MARCHF4: variants seen among roughly 807,000 people sequenced by gnomAD.
MARCHF4 encodes the protein E3 ubiquitin-protein ligase MARCHF4.
A neutral mutation model predicts 43.9 loss-of-function variants in MARCHF4; 14 were observed. The observed-to-expected ratio is 0.32, with a 90% CI of 0.21 to 0.50. MARCHF4 has a LOEUF of 0.50. Ranked by LOEUF, MARCHF4 falls within the 20% of genes least tolerant of loss-of-function variation. MARCHF4 has a pLI of 0.98. For missense variants in MARCHF4, 468 were observed against 536.7 expected (o/e 0.87, Z 1.27); for synonymous variants, 226 against 213.3 (o/e 1.06, Z -0.52).
intron 1 of MARCHF4, among the ~76,000 whole-genome samples, chr2:216,292,555 T>C (rs916649521): frequency 2.0e-5 from 3 of 152,218 alleles, no homozygotes; most frequent in African/African-American, 4.8e-5. Flanking sequence ...ATCATCTCTA[T>C]GATGATAGAC....
intron 2 of MARCHF4, 136 bp from the exon 3 acceptor site, chr2:216,278,000 G>T (rs1157803271): frequency 6.9e-6 from 5 of 724,310 alleles, no homozygotes; most frequent in Non-Finnish European, 1.1e-5. Context: ...GTGGTACAAT[G>T]AGCATTTTGC....
intron 1 of MARCHF4, among the ~76,000 whole-genome samples, chr2:216,331,368 C>T (rs561799994): frequency 6.6e-6 from 1 of 152,122 alleles, no homozygotes; most frequent in South Asian, 2.1e-4. Context: ...TAAAAATCTT[C>T]ACACAAAGAA....
intron 1 of MARCHF4, among the ~76,000 whole-genome samples, chr2:216,362,374 G>A (rs553328393): frequency 1.3e-5 from 2 of 152,320 alleles, no homozygotes; most frequent in African/African-American, 4.8e-5. Flanking sequence ...CAAGTAGCAG[G>A]GGAAACGATT....
intron 3 of MARCHF4, among the ~76,000 whole-genome samples, chr2:216,275,673 T>C (rs1234928679): frequency 1.3e-5 from 2 of 152,188 alleles, no homozygotes; most frequent in Non-Finnish European, 2.9e-5. Flanking sequence ...TGTAGAGCCA[T>C]TGGTGGTAGC....
chr2:216,372,249 C>G lies in MARCHF4; in HGVS notation c.-1989G>C, dbSNP rs1692781945. On this transcript the variant is annotated 5_prime_UTR_variant, in exon 1 of 4. Coordinates refer to ENST00000273067, the MANE Select transcript of MARCHF4 (RefSeq NM_020814.3). ...GTGGCGGGGCGGCGAGCTGACCGTC[C>G]GAGAACTGGAAACAAGGTTCTTGCA... is the stretch of plus-strand genomic sequence containing the variant. Among the ~76,000 whole-genome samples, 2 of 152,120 alleles carry G rather than the reference C, an allele frequency of 1.3e-5. No individual in the cohort carries two copies. Among genetic ancestry groups the G allele is most frequent in the South Asian group, 2.1e-4 (1 of 4,814 alleles).
chr2:216,275,879 C>G (rs1284011466), intron 3 of MARCHF4, among the ~76,000 whole-genome samples: 1 of 152,178 alleles, frequency 6.6e-6, no homozygotes, highest in Non-Finnish European at 1.5e-5. Flanking sequence ...CCCTTGTGCT[C>G]CTGCATTCAT....
At chr2:216,333,153 A>G (rs36061582) in intron 1 of MARCHF4, among the ~76,000 whole-genome samples, 57,858 of 152,176 alleles carry the variant, frequency 0.38, 11,656 homozygotes, top group East Asian at 0.54. Context: ...GGAAAAATTG[A>G]TAAAATTAAG....
At chr2:216,276,709 A>G (rs1691028169) in intron 3 of MARCHF4, among the ~76,000 whole-genome samples, 1 of 152,216 alleles carries the variant, frequency 6.6e-6, no homozygotes, top group African/African-American at 2.4e-5. Context: ...CCGGGAGAGG[A>G]TAACTGTGGA....
At chr2:216,282,279 G>A (rs428418) in intron 2 of MARCHF4, among the ~76,000 whole-genome samples, 1 of 151,876 alleles carries the variant, frequency 6.6e-6, no homozygotes, top group African/African-American at 2.4e-5. Flanking sequence ...GCACACTTGT[G>A]TGTGTGCAAC....
At position 216,320,667 on chromosome 2, in the gene MARCHF4, CTTTCTTTCTTT is replaced by C. The variant is rs753193508; in HGVS notation, c.517-36949_517-36939del. On this transcript the variant is annotated intron_variant, in intron 1 of 3. Coordinates refer to ENST00000273067, the MANE Select transcript of MARCHF4 (RefSeq NM_020814.3). ...TCTTTCTTTCTTTCTTTCTTTCTTT[CTTTCTTTCTTT>C]TTTTTTTTTTGAGATGGAGTCCCAC... Among the ~76,000 whole-genome samples the C allele has an allele frequency of 9.3e-5, 8 of 85,680 alleles. No homozygotes were observed. In the East Asian group the frequency reaches 1.7e-3, roughly 18 times the overall value. 56.2% of individuals were successfully genotyped at this position (85,680 alleles called of 152,430 possible).
At chr2:216,324,478 A>G (rs1691955139) in intron 1 of MARCHF4, among the ~76,000 whole-genome samples, 1 of 152,176 alleles carries the variant, frequency 6.6e-6, no homozygotes, top group Non-Finnish European at 1.5e-5. Flanking sequence ...GGCCAGCATC[A>G]TCCTGATACA....
In MARCHF4 at chr2:216,350,228, C is replaced by T. The variant is rs145102706; in HGVS notation, c.516+19517G>A. ...ACTGTCTCATCATGCCACACCCCCT[C>T]GCTATGCTACTCCCCCTCACTCTGC... is the stretch of plus-strand genomic sequence containing the variant. On this transcript the variant is annotated intron_variant, in intron 1 of 3. Coordinates refer to ENST00000273067, the MANE Select transcript of MARCHF4 (RefSeq NM_020814.3). Among the ~76,000 whole-genome samples, 43 of 146,962 alleles carry T rather than the reference C, an allele frequency of 2.9e-4. No individual in the cohort carries two copies. The East Asian group carries it at 8.0e-3, about 27-fold the overall frequency.
chr2:216,369,847 G>A lies in MARCHF4; in HGVS notation c.414C>T (p.Asp138=), dbSNP rs550737911. 1.2e-6 allele frequency: 2 copies of A among 1,614,064 alleles called. No individual in the cohort carries two copies. Among genetic ancestry groups the A allele is most frequent in the East Asian group, 2.2e-5 (1 of 44,876 alleles). The change falls in exon 1 of 4, where the codon GAC becomes GAT. Residue 138 remains aspartate (D), a synonymous_variant. Coordinates refer to ENST00000273067, the MANE Select transcript of MARCHF4 (RefSeq NM_020814.3). ...GATCCTCGGTCTTCTCCTTACAGAAGTCATCTGAGGAGGCACTGCTGAGCA... is the reference window on the plus strand; with the variant it reads ...GATCCTCGGTCTTCTCCTTACAGAAATCATCTGAGGAGGCACTGCTGAGCA... The part of the protein sequence containing the change: ...ASLLSSASSD[D]FCKEKTEDRY...
chr2:216,362,870 G>T (rs1036501251), intron 1 of MARCHF4, among the ~76,000 whole-genome samples: 8 of 152,182 alleles, frequency 5.3e-5, no homozygotes, highest in Admixed American at 5.2e-4. Context: ...CATCTCAGGA[G>T]GGGGATGGTA....
chr2:216,354,964 TTTCTTTCTTTCTTTCTTTC>T (rs1374143832), intron 1 of MARCHF4, among the ~76,000 whole-genome samples: 13 of 144,624 alleles, frequency 9.0e-5, no homozygotes, highest in African/African-American at 3.5e-4. Context: ...TCTTTCTTTC[TTTCTTTCTTTCTTTCTTTC>T]TTTTTTGAGA....
Position 216,369,970 on chromosome 2 carries a change from C to T in MARCHF4, c.291G>A (p.Val97=). ...GTGGCACAGGAGGGGGCTCCCTGCC[C>T]ACCACTTCTCGGGGGCCCCTCCAGC... ...WAGWRGPREV[V]GREPPPVPPP... The change falls in exon 1 of 4, where the codon GTG becomes GTA. Residue 97 remains valine, a synonymous_variant. Coordinates refer to ENST00000273067, the MANE Select transcript of MARCHF4 (RefSeq NM_020814.3). The T allele has an allele frequency of 9.0e-6, 14 of 1,562,316 alleles. No individual in the cohort carries two copies. The highest frequency in any genetic ancestry group is 1.2e-5 in the Non-Finnish European group (14 of 1,151,092).
intron 1 of MARCHF4, among the ~76,000 whole-genome samples, chr2:216,286,220 C>T (rs184532585): frequency 1.3e-5 from 2 of 152,306 alleles, no homozygotes; most frequent in South Asian, 2.1e-4. Context: ...AGCATAGGGA[C>T]TTGCTTCTGG....
intron 1 of MARCHF4, among the ~76,000 whole-genome samples, chr2:216,297,657 G>A (rs557398995): frequency 9.8e-4 from 149 of 152,348 alleles, no homozygotes; most frequent in Non-Finnish European, 1.8e-3. Context: ...GGGATTACAG[G>A]CATGTGCCAC....
chr2:216,315,683 T>C (rs559249074), intron 1 of MARCHF4, among the ~76,000 whole-genome samples: 52 of 152,350 alleles, frequency 3.4e-4, no homozygotes, highest in African/African-American at 1.1e-3. Context: ...TAAAATACCA[T>C]ATATATGCAT....
Sources: allele counts gnomAD v4.1 joint callset (sites outside exome capture counted in the v4.1 genomes callset), GRCh38; gene constraint gnomAD v4.1.1; transcripts MANE v1.5; gene names NCBI Gene and HGNC (gene_info 2026-07-23, HGNC 2026-07-21).